Variants in PCDH15 observed in about 807,000 individuals in gnomAD.
PCDH15 encodes the protein protocadherin related 15.
PCDH15 carries 129 observed loss-of-function variants against 178.5 expected under a neutral mutation model. The ratio of observed to expected loss-of-function variants is 0.72; its 90% CI spans 0.63 to 0.84. The LOEUF (loss-of-function observed/expected upper bound fraction) is 0.84, where lower values mean the gene tolerates loss of function less well. Ranked by LOEUF, PCDH15 falls within the 40% of genes least tolerant of loss-of-function variation. PCDH15 has a pLI of 0.00. For synonymous variants in PCDH15, 800 were observed against 732.0 expected, an observed-to-expected ratio of 1.09 and a Z score of -1.50; for missense variants, 2,230 against 2,099.9, an observed-to-expected ratio of 1.06 and a Z score of -1.21.
intron 28 of PCDH15, among the ~76,000 whole-genome samples, chr10:53,856,219 G>A (rs1485358221): frequency 6.6e-6 from 1 of 150,822 alleles, no homozygotes; most frequent in African/African-American, 2.4e-5. Context: ...CACCATTAAA[G>A]AATTATTCAT....
Position 54,111,779 on chromosome 10 carries a change from C to T in PCDH15, c.1917+21096G>A, listed in dbSNP as rs1017173362. 3.3e-5 allele frequency among the ~76,000 whole-genome samples: 5 copies of T among 152,130 alleles called. No individual in the cohort carries two copies. The East Asian group carries it at 9.7e-4, about 29-fold the overall frequency. On this transcript the variant is annotated intron_variant, in intron 15 of 37. Coordinates refer to ENST00000644397, the MANE Select transcript of PCDH15 (RefSeq NM_001384140.1). ...GTCTCTTCCCCAGAACTCCAAAATA[C>T]ACCTTTATTATGACATATAATTCCC...
chr10:53,901,486 C>T (rs965619587), intron 26 of PCDH15, among the ~76,000 whole-genome samples: 2 of 152,114 alleles, frequency 1.3e-5, no homozygotes, highest in Non-Finnish European at 2.9e-5. Context: ...TCAAATTTTT[C>T]CTGGACTCGT....
intron 20 of PCDH15, among the ~76,000 whole-genome samples, chr10:54,019,830 T>A (rs1409488003): frequency 6.6e-6 from 1 of 151,922 alleles, no homozygotes; most frequent in African/African-American, 2.4e-5. Flanking sequence ...GAGTCATATA[T>A]AAAATTTTTT....
At chr10:55,175,305 C>T (rs118107718) in intron 1 of PCDH15, among the ~76,000 whole-genome samples, 2,412 of 152,270 alleles carry the variant, frequency 0.016, 35 homozygotes, top group Non-Finnish European at 0.021. Context: ...CTTGGTAAAG[C>T]ATGCCACTCT....
intron 21 of PCDH15, among the ~76,000 whole-genome samples, chr10:53,980,441 TAC>T (rs1449280027): frequency 4.3e-5 from 6 of 141,104 alleles, no homozygotes. Flanking sequence ...TCTCGAATAT[TAC>T]AGTGCCATGG....
At chr10:54,892,506 A>T (rs1954480276) in intron 3 of PCDH15, among the ~76,000 whole-genome samples, 1 of 151,948 alleles carries the variant, frequency 6.6e-6, no homozygotes, top group Non-Finnish European at 1.5e-5. Context: ...AGAAAAGAGT[A>T]AAGAGTAACC....
intron 2 of PCDH15, among the ~76,000 whole-genome samples, chr10:54,960,639 G>A (rs1049709138): frequency 1.3e-5 from 2 of 152,114 alleles, no homozygotes; most frequent in Non-Finnish European, 2.9e-5. Flanking sequence ...ATTTTAAAAT[G>A]TCTTTTCTCA....
At chr10:55,499,404 T>TACACACACAC (rs200878607) in intron 2 of PCDH15, among the ~76,000 whole-genome samples, 41 of 136,386 alleles carry the variant, frequency 3.0e-4, no homozygotes, top group Middle Eastern at 4.2e-3. Context: ...AGACTCTCCC[T>TACACACACAC]ACACACACAC....
intron 2 of PCDH15, among the ~76,000 whole-genome samples, chr10:55,525,309 T>C (rs1841279154): frequency 6.6e-6 from 1 of 151,860 alleles, no homozygotes; most frequent in Non-Finnish European, 1.5e-5. Context: ...ACATTTTTTA[T>C]TAAAAACTGC....
chr10:55,377,426 G>T (rs1463051666), intron 2 of PCDH15, among the ~76,000 whole-genome samples: 1 of 151,686 alleles, frequency 6.6e-6, no homozygotes, highest in Non-Finnish European at 1.5e-5. Flanking sequence ...AGTATTCCTG[G>T]TTTATTTAAA....
At chr10:55,534,278 A>C (rs571450729) in intron 2 of PCDH15, among the ~76,000 whole-genome samples, 1 of 152,228 alleles carries the variant, frequency 6.6e-6, no homozygotes, top group Admixed American at 6.6e-5. Context: ...CATAGAGTAA[A>C]CAGACAACCT....
In PCDH15 at chr10:54,129,906, G is replaced by A. The variant is rs185342274; in HGVS notation, c.1917+2969C>T. ...GTGTTACTATTTTATGGGATGAGAC[G>A]GCAGAGATGATACATGGAAATTTTG... On this transcript the variant is annotated intron_variant, in intron 15 of 37. Coordinates refer to ENST00000644397, the MANE Select transcript of PCDH15 (RefSeq NM_001384140.1). Among the ~76,000 whole-genome samples, 186 of 152,154 alleles carry A rather than the reference G, an allele frequency of 1.2e-3. 1 individual carries two copies. The highest frequency in any genetic ancestry group is 2.2e-3 in the Non-Finnish European group (151 of 68,004).
chr10:55,092,691 C>G (rs1002696477), intron 2 of PCDH15, among the ~76,000 whole-genome samples: 1 of 151,774 alleles, frequency 6.6e-6, no homozygotes, highest in Non-Finnish European at 1.5e-5. Flanking sequence ...AAAACTTACA[C>G]CAAGAACTGT....
intron 3 of PCDH15, among the ~76,000 whole-genome samples, chr10:54,830,451 G>A (rs1953203546): frequency 6.6e-6 from 1 of 151,968 alleles, no homozygotes. Flanking sequence ...GGATGAAGCT[G>A]GAAACCATCA....
chr10:54,966,936 T>C (rs1220780025), intron 2 of PCDH15, among the ~76,000 whole-genome samples: 1 of 152,106 alleles, frequency 6.6e-6, no homozygotes, highest in East Asian at 1.9e-4. Context: ...TCTAAAAATA[T>C]CTAAACATAG....
intron 8 of PCDH15, among the ~76,000 whole-genome samples, chr10:54,271,883 A>G (rs1471537659): frequency 1.3e-5 from 2 of 151,152 alleles, no homozygotes; most frequent in African/African-American, 2.4e-5. Context: ...TAAATAAAAT[A>G]CTTTGGTAAG....
intron 2 of PCDH15, among the ~76,000 whole-genome samples, chr10:55,429,022 G>T (rs1838822552): frequency 6.6e-6 from 1 of 151,904 alleles, no homozygotes; most frequent in Non-Finnish European, 1.5e-5. Context: ...TCCAGGCTTT[G>T]TGCAATTATC....
At chr10:55,420,519 AG>A (rs2132044879) in intron 2 of PCDH15, among the ~76,000 whole-genome samples, 1 of 151,488 alleles carries the variant, frequency 6.6e-6, no homozygotes, top group South Asian at 2.1e-4. Flanking sequence ...GTCTGCATTT[AG>A]GAGGGGGATG....
chr10:54,965,919 T>G (rs1168708394), intron 2 of PCDH15, among the ~76,000 whole-genome samples: 1 of 150,854 alleles, frequency 6.6e-6, no homozygotes, highest in East Asian at 1.9e-4. Context: ...TATGTAAGTG[T>G]ATATTATATA....
Sources: allele counts gnomAD v4.1 joint callset (sites outside exome capture counted in the v4.1 genomes callset), GRCh38; gene constraint gnomAD v4.1.1; transcripts MANE v1.5; gene names NCBI Gene and HGNC (gene_info 2026-07-23, HGNC 2026-07-21).